The following PLCB3 variants were observed in gnomAD, a reference collection of about 807,000 sequenced individuals.
PLCB3 encodes the protein 1-phosphatidylinositol 4,5-bisphosphate phosphodiesterase beta-3.
In PLCB3, 54 loss-of-function variants were observed where a neutral mutation model predicts 152.1. The ratio of observed to expected loss-of-function variants is 0.36; its 90% confidence interval spans 0.29 to 0.45. The LOEUF (loss-of-function observed/expected upper bound fraction) is 0.45. Among genes scored for constraint, PLCB3 ranks in the 20% least tolerant of loss-of-function variants. The pLI is 1.00. For synonymous variants in PLCB3, 717 were observed against 698.7 expected (o/e 1.03, Z -0.41); for missense variants, 1,248 against 1,687.5 (o/e 0.74, Z 4.56).
In PLCB3 at chr11:64,254,882, G is replaced by A. The variant is rs187610701; in HGVS notation, c.247-16G>A. ...TGCGGGAGCCCCCTCTTCACCCTTC[G>A]CTGTCACCTACTCAGGACCCCAAGA... is the stretch of plus-strand genomic sequence containing the variant. On this transcript the variant is annotated splice_polypyrimidine_tract_variant and intron_variant, in intron 3 of 30. Transcript: ENST00000279230. 14 of 1,612,032 alleles carry A rather than the reference G, an allele frequency of 8.7e-6. No homozygotes were observed. Among genetic ancestry groups the A allele is most frequent in the Non-Finnish European group, 1.2e-5 (14 of 1,178,792 alleles).
In PLCB3 at chr11:64,265,189, C is replaced by G. The variant is rs1289249912; in HGVS notation, c.2807-3C>G. 1 of 1,595,212 alleles carries G rather than the reference C, an allele frequency of 6.3e-7. No individual in the cohort carries two copies. Among genetic ancestry groups the G allele is most frequent in the African/African-American group, 1.3e-5 (1 of 74,636 alleles). On this transcript the variant is annotated splice_polypyrimidine_tract_variant and splice_region_variant and intron_variant, in intron 23 of 30. Coordinates refer to ENST00000279230, the MANE Select transcript of PLCB3 (RefSeq NM_000932.5). ...AGCTCCTCACAGGGCCTCTGCTCCC[C>G]AGGGCAGCGTGATGATCTCATCGCC...
In PLCB3 at chr11:64,255,534, G is replaced by C. The variant is rs375384129; in HGVS notation, c.522-7G>C. 1.2e-6 allele frequency: 2 copies of C among 1,612,880 alleles called. No individual in the cohort carries two copies. The highest frequency in any genetic ancestry group is 1.7e-6 in the Non-Finnish European group (2 of 1,179,498). On this transcript the variant is annotated splice_polypyrimidine_tract_variant and splice_region_variant and intron_variant, in intron 6 of 30. Transcript: ENST00000279230. This position sits in a 1 kb window ranked among gnomAD's most constrained non-coding sequence, Gnocchi z 6.8. ...CACTGACCCTGAACCCCTCCTGCCC[G>C]CATCAGCATCCTGAAGATGTTCTCA... is the stretch of plus-strand genomic sequence containing the variant.
In PLCB3 at chr11:64,261,967, G is replaced by A. The variant is rs1403933131; in HGVS notation, c.1929G>A (p.Gln643=). 2 of 1,614,064 alleles carry A rather than the reference G, an allele frequency of 1.2e-6. No homozygotes were observed. The highest frequency in any genetic ancestry group is 1.7e-6 in the Non-Finnish European group (2 of 1,180,024). ...PMEFVEYNKQ[Q]LSRIYPKGTR... ...CCAATCTCAGATACAACAAGCAGCA[G>A]CTCAGCCGCATCTACCCCAAGGGCA... Residue 643 remains glutamine (Q), a synonymous_variant, in exon 17 of 31, where the codon CAG becomes CAA. Coordinates refer to ENST00000279230, the MANE Select transcript of PLCB3 (RefSeq NM_000932.5).
rs748922259 is a variant in PLCB3 at position 64,266,067 on chromosome 11, G to T, written c.3189+28G>T. 8.7e-6 allele frequency: 14 copies of T among 1,613,848 alleles called. No homozygotes were observed. Among genetic ancestry groups the T allele is most frequent in the South Asian group, 1.1e-5 (1 of 91,084 alleles). ...AGGGGGCCTGCAGTGGCCAGGGAAA[G>T]CCTGCTGGATAGACCCGTCGTCAGC... On this transcript the variant is annotated intron_variant, in intron 26 of 30. Transcript: ENST00000279230. The surrounding 1 kb of genome is among the most constrained non-coding windows in gnomAD (Gnocchi z 4.9).
At chr11:64,253,891 C>T (rs1357181339) in intron 1 of PLCB3, among the ~76,000 whole-genome samples, 4 of 152,158 alleles carry the variant, frequency 2.6e-5, no homozygotes, top group African/African-American at 9.7e-5. Context: ...GGATAATGGG[C>T]TTTGAGGCAG....
chr11:64,252,851 G>A (rs1433299317), intron 1 of PLCB3, among the ~76,000 whole-genome samples: 1 of 152,196 alleles, frequency 6.6e-6, no homozygotes, highest in Non-Finnish European at 1.5e-5. Context: ...GGGCAGGAGA[G>A]CAGGGGACCT....
In PLCB3 at chr11:64,261,823, CAG is replaced by C; in HGVS notation, c.1914-128_1914-127del. 6 of 1,479,858 alleles carry C rather than the reference CAG, an allele frequency of 4.1e-6. No homozygotes were observed. The South Asian group carries it at 4.7e-5, about 12-fold the overall frequency. The allele number at this position is 1,479,858 out of a possible 1,614,324, so 91.7% of individuals were successfully genotyped here. A position where few individuals can be genotyped will look rare whatever the true frequency, so the allele number is the denominator to read the frequency against. ...GGGCTTGGGCAGATCCAGGCAGTCT[CAG>C]GGGGCATGGCTAGGCTAAGAAACAG... On this transcript the variant is annotated intron_variant, in intron 16 of 30. Coordinates refer to ENST00000279230, the MANE Select transcript of PLCB3 (RefSeq NM_000932.5).
downstream of PLCB3, among the ~76,000 whole-genome samples, chr11:64,268,089 T>G (rs999824775): frequency 2.0e-5 from 3 of 151,970 alleles, no homozygotes; most frequent in Admixed American, 1.3e-4. Flanking sequence ...TCCGTGGCCT[T>G]CTGCTTGTGC....
In PLCB3 at chr11:64,266,325, G is replaced by T. The variant is rs1314970156; in HGVS notation, c.3277G>T (p.Glu1093Ter). 6.2e-7 allele frequency: 1 copy of T among 1,613,454 alleles called. No individual in the cohort carries two copies. Among genetic ancestry groups the T allele is most frequent in the Non-Finnish European group, 8.5e-7 (1 of 1,179,904 alleles). The change falls in exon 28 of 31, where the codon GAG becomes TAG. Residue 1093 changes from glutamate to a stop codon, truncating the protein, a stop_gained. Transcript: ENST00000279230. LOFTEE classifies it high-confidence loss of function. This position sits in a 1 kb window ranked among gnomAD's most constrained non-coding sequence, Gnocchi z 4.9. ...LKEMNEREKK[E>*]LQKILDRKRH... Reference sequence around the variant, plus strand: ...TGCCGGCTTCTCCAGGGAGAAGAAGGAGCTGCAGAAGATCCTGGACAGAAA... The same window carrying T: ...TGCCGGCTTCTCCAGGGAGAAGAAGTAGCTGCAGAAGATCCTGGACAGAAA...
rs2032152819 is a variant in PLCB3 at position 64,266,910 on chromosome 11, C to T, written c.3415-275C>T. ...TTGGGTTCAAGCAATTCTCTTGCCT[C>T]AGCCTCCCGAGTAGCTGGGATTACA... On this transcript the variant is annotated intron_variant, in intron 29 of 30. Coordinates refer to ENST00000279230, the MANE Select transcript of PLCB3 (RefSeq NM_000932.5). The surrounding 1 kb of genome is among the most constrained non-coding windows in gnomAD (Gnocchi z 4.9). 6.6e-6 allele frequency among the ~76,000 whole-genome samples: 1 copy of T among 152,204 alleles called. No homozygotes were observed.
rs1183368075 is a variant in PLCB3, at chr11:64,266,625, G to A, written c.3414+73G>A. ...CATCAGACACCCATCTCCATGCCTG[G>A]CCTGGTGCCACGTTGCCCTCAAGGT... is the stretch of plus-strand genomic sequence containing the variant. On this transcript the variant is annotated intron_variant, in intron 29 of 30. Transcript: ENST00000279230. The surrounding 1 kb of genome is among the most constrained non-coding windows in gnomAD (Gnocchi z 4.9). The A allele has an allele frequency of 2.3e-5, 33 of 1,450,252 alleles. No individual in the cohort carries two copies. The highest frequency in any genetic ancestry group is 4.2e-5 in the African/African-American group (3 of 71,718). 89.8% of individuals were successfully genotyped at this position (1,450,252 alleles called of 1,614,324 possible). A position where few individuals can be genotyped will look rare whatever the true frequency, so the allele number is the denominator to read the frequency against.
Position 64,266,629 on chromosome 11 carries a change from G to A in PLCB3, c.3414+77G>A. The A allele has an allele frequency of 7.1e-7, 1 of 1,416,438 alleles. No individual in the cohort carries two copies. The highest frequency in any genetic ancestry group is 1.7e-5 in the Admixed American group (1 of 59,434). The allele number at this position is 1,416,438 out of a possible 1,614,324, so 87.7% of individuals were successfully genotyped here. A position where few individuals can be genotyped will look rare whatever the true frequency, so the allele number is the denominator to read the frequency against. On this transcript the variant is annotated intron_variant, in intron 29 of 30. Transcript: ENST00000279230. This position sits in a 1 kb window ranked among gnomAD's most constrained non-coding sequence, Gnocchi z 4.9. ...AGACACCCATCTCCATGCCTGGCCT[G>A]GTGCCACGTTGCCCTCAAGGTTCTT...
Position 64,266,601 on chromosome 11 carries a change from A to C in PLCB3, c.3414+49A>C. On this transcript the variant is annotated intron_variant, in intron 29 of 30. Coordinates refer to ENST00000279230, the MANE Select transcript of PLCB3 (RefSeq NM_000932.5). This position sits in a 1 kb window ranked among gnomAD's most constrained non-coding sequence, Gnocchi z 4.9. ...CTACCCCACCTCCCTTCCTTCACTCATCAGACACCCATCTCCATGCCTGGC... is the reference window on the plus strand; with the variant it reads ...CTACCCCACCTCCCTTCCTTCACTCCTCAGACACCCATCTCCATGCCTGGC... 8.3e-6 allele frequency: 13 copies of C among 1,568,100 alleles called. No homozygotes were observed. The highest frequency in any genetic ancestry group is 1.4e-5 in the African/African-American group (1 of 74,028).
chr11:64,262,397 G>A lies in PLCB3; in HGVS notation c.2039-10G>A. ...CCCTGCCCCTGCTCGACGTGCCCGT[G>A]GCACCCCAGATGTGGCGATGCAGCT... On this transcript the variant is annotated splice_polypyrimidine_tract_variant and intron_variant, in intron 17 of 30. Transcript: ENST00000279230. 6.2e-7 allele frequency: 1 copy of A among 1,609,084 alleles called. No homozygotes were observed.
intron 1 of PLCB3, among the ~76,000 whole-genome samples, chr11:64,252,950 TC>T (rs1228264786): frequency 6.6e-6 from 1 of 152,080 alleles, no homozygotes; most frequent in Non-Finnish European, 1.5e-5. Flanking sequence ...TGCACACCAT[TC>T]GGGGGCCTCA....
chr11:64,262,906 G>A lies in PLCB3; in HGVS notation c.2355+98G>A, dbSNP rs558377388. The stretch of plus-strand genomic sequence containing the variant: ...AACAGGAACCAGGCACACCGTTGGC[G>A]ACTGGGGATCAGAAAGTGGGGGGTG... On this transcript the variant is annotated intron_variant, in intron 19 of 30. Transcript: ENST00000279230. 730 of 1,292,848 alleles carry A rather than the reference G, an allele frequency of 5.6e-4. No individual in the cohort carries two copies. The Admixed American group carries it at 8.4e-3, about 15-fold the overall frequency. 80.1% of individuals were successfully genotyped at this position (1,292,848 alleles called of 1,614,324 possible). A position where few individuals can be genotyped will look rare whatever the true frequency, so the allele number is the denominator to read the frequency against.
At chr11:64,262,112 T>C in intron 17 of PLCB3, 36 bp downstream of exon 17, 1 of 1,613,154 alleles carries the variant, frequency 6.2e-7, no homozygotes, top group Middle Eastern at 1.7e-4. Context: ...ACCCCGACCC[T>C]CAGTCTTACT....
rs1416849218 is a variant in PLCB3 at position 64,266,495 on chromosome 11, G to A, written c.3357G>A (p.Ala1119=). 1 of 1,613,772 alleles carries A rather than the reference G, an allele frequency of 6.2e-7. No homozygotes were observed. Among genetic ancestry groups the A allele is most frequent in the East Asian group, 2.2e-5 (1 of 44,884 alleles). ...AKMRDKHKKE[A]ELTEINRRHI... is the part of the protein sequence containing the mutation. The stretch of plus-strand genomic sequence containing the variant: ...GCCATCCTGCGTTGCTCCCGTGCAG[G>A]GAACTGACGGAGATTAACCGTCGGC... The change falls in exon 29 of 31, where the codon GCG becomes GCA. Residue 1119 remains alanine, a splice_region_variant and synonymous_variant. Coordinates refer to ENST00000279230, the MANE Select transcript of PLCB3 (RefSeq NM_000932.5). The surrounding 1 kb of genome is among the most constrained non-coding windows in gnomAD (Gnocchi z 4.9).
At position 64,266,083 on chromosome 11, in the gene PLCB3, C is replaced by T. The variant is rs3815362; in HGVS notation, c.3190-43C>T. The T allele has an allele frequency of 0.29, 465,705 of 1,613,544 alleles. 71,814 individuals are homozygous for T. The highest frequency in any genetic ancestry group is 0.32 in the South Asian group (29,357 of 91,070). ...CCAGGGAAAGCCTGCTGGATAGACCCGTCGTCAGCCCGGCATCACCTGTCA... is the reference window on the plus strand; with the variant it reads ...CCAGGGAAAGCCTGCTGGATAGACCTGTCGTCAGCCCGGCATCACCTGTCA... On this transcript the variant is annotated intron_variant, in intron 26 of 30. Coordinates refer to ENST00000279230, the MANE Select transcript of PLCB3 (RefSeq NM_000932.5). This position sits in a 1 kb window ranked among gnomAD's most constrained non-coding sequence, Gnocchi z 4.9.
Sources: gnomAD v4.1 joint callset for allele counts (sites outside exome capture counted in the v4.1 genomes callset) on GRCh38, gnomAD v4.1.1 for gene constraint, Gnocchi (gnomAD v3.1) non-coding constraint, MANE v1.5 for transcripts, NCBI Gene and HGNC (gene_info 2026-07-23, HGNC 2026-07-21) for gene names.